Variants in MACF1 observed in about 807,000 individuals in gnomAD.
MACF1 encodes the protein microtubule-actin cross-linking factor 1.
In MACF1, 193 loss-of-function variants were observed where a neutral mutation model predicts 854.8. That is an observed-to-expected ratio of 0.23 (90% CI 0.20 to 0.25). The LOEUF (loss-of-function observed/expected upper bound fraction) is 0.25, where lower values mean the gene tolerates loss of function less well. MACF1 is among the 10% of genes least tolerant of loss of function. MACF1 has a pLI of 1.00. For missense variants in MACF1, 7,722 were observed against 8,929.1 expected, an observed-to-expected ratio of 0.86 and a Z score of 5.45; for synonymous variants, 3,185 against 3,226.7, an observed-to-expected ratio of 0.99 and a Z score of 0.44.
In MACF1 at chr1:39,428,237, G is replaced by A. The variant is rs139086219; in HGVS notation, c.16753G>A (p.Val5585Ile). The part of the protein sequence containing the change: ...EVEDKLSSVF[V>I]KDFKQDVLHR... Reference sequence around the variant, plus strand: ...TGAGGACAAGCTCAGTTCAGTGTTCGTAAAGGATTTCAAACAGGATGTCCT... The same window carrying A: ...TGAGGACAAGCTCAGTTCAGTGTTCATAAAGGATTTCAAACAGGATGTCCT... The change falls in exon 63 of 101, where the codon GTA becomes ATA. Residue 5585 changes from valine (V) to isoleucine (I), a missense_variant. This residue lies in a region of MACF1 where 2,807 missense variants were observed against 3,235.8 expected (regional missense o/e 0.87). Transcript: ENST00000564288. The A allele has an allele frequency of 2.0e-5, 32 of 1,613,658 alleles. No individual in the cohort carries two copies. The highest frequency in any genetic ancestry group is 2.7e-5 in the African/African-American group (2 of 74,942).
chr1:39,177,920 T>G (rs1308072428), intron 2 of MACF1, among the ~76,000 whole-genome samples: 1 of 152,072 alleles, frequency 6.6e-6, no homozygotes, highest in African/African-American at 2.4e-5. Context: ...AACTCCCCAT[T>G]GAATAAGTAA....
intron 55 of MACF1, among the ~76,000 whole-genome samples, chr1:39,380,999 G>A (rs767739159): frequency 3.3e-5 from 5 of 152,064 alleles, no homozygotes; most frequent in Non-Finnish European, 7.4e-5. Flanking sequence ...AAAGAGATTA[G>A]ATAAATTGTG....
At chr1:39,114,991 C>T (rs1046406911) in intron 2 of MACF1, among the ~76,000 whole-genome samples, 1 of 151,994 alleles carries the variant, frequency 6.6e-6, no homozygotes, top group African/African-American at 2.4e-5. Flanking sequence ...GAATATTGGG[C>T]ATTGATAAGG....
At chr1:39,386,103 A>G (rs150110875) in intron 57 of MACF1, among the ~76,000 whole-genome samples, 174 bp downstream of exon 57, 4 of 152,336 alleles carry the variant, frequency 2.6e-5, no homozygotes, top group African/African-American at 9.6e-5. Flanking sequence ...GTTGTTACAC[A>G]GTGAACACTT....
chr1:39,380,135 T>C, intron 54 of MACF1, 109 bp from the exon 55 acceptor site: 1 of 1,065,242 alleles, frequency 9.4e-7, no homozygotes, highest in Non-Finnish European at 1.4e-6. Flanking sequence ...ATTGATAGGA[T>C]CCTAGTAGAG....
chr1:39,316,298 A>T, intron 27 of MACF1, 93 bp from the exon 28 acceptor site: 1 of 1,001,168 alleles, frequency 1.0e-6, no homozygotes, highest in East Asian at 2.8e-5. Context: ...TTTGGTTATT[A>T]TGTTTTATGA....
In MACF1 at chr1:39,443,559, G is replaced by C. The variant is rs752667577; in HGVS notation, c.19416G>C (p.Gln6472His). 8 of 1,609,180 alleles carry C rather than the reference G, an allele frequency of 5.0e-6. No homozygotes were observed. In the African/African-American group the frequency reaches 1.1e-4, roughly 22 times the overall value. The change falls in exon 79 of 101, where the codon CAG becomes CAC. Residue 6472 changes from glutamine (Q) to histidine (H), a missense_variant. Coordinates refer to ENST00000564288, the MANE Select transcript of MACF1 (RefSeq NM_001394062.1). ...GACTTCCTGAAACTGCTAGGGAACA[G>C]CTTGATACACATATGGTAATAGCAA... is the stretch of plus-strand genomic sequence containing the variant. ...TGGLPETARE[Q>H]LDTHMELYSQ...
chr1:39,298,152 C>T (rs1197202514), intron 21 of MACF1, among the ~76,000 whole-genome samples: 1 of 150,744 alleles, frequency 6.6e-6, no homozygotes, highest in Non-Finnish European at 1.5e-5. Context: ...AAACCAACAA[C>T]AACAACAAAG....
At chr1:39,166,516 G>T (rs916044068) in intron 2 of MACF1, among the ~76,000 whole-genome samples, 2 of 151,884 alleles carry the variant, frequency 1.3e-5, no homozygotes, top group African/African-American at 4.8e-5. Context: ...GAGTGCAGTG[G>T]TGCGATCTTG....
chr1:39,468,896 T>C (rs1275278176), intron 96 of MACF1, among the ~76,000 whole-genome samples, 164 bp downstream of exon 96: 1 of 152,146 alleles, frequency 6.6e-6, no homozygotes, highest in Admixed American at 6.5e-5. Context: ...GGTGCCAGCA[T>C]AGGCCAGGGA....
rs1290471246 is a variant in MACF1, at chr1:39,448,679, T to C, written c.20174T>C (p.Leu6725Pro). Residue 6725 changes from leucine to proline, a missense_variant, in exon 84 of 101, where the codon CTT (leucine) becomes CCT (proline). Leu to Pro is a moderately conservative substitution (Grantham distance 98). Transcript: ENST00000564288. ...AGAGCACTGAAAGAAAAGACTTTGC[T>C]TCCCGAAGATAGTCAGAAACTTGAC... is the stretch of plus-strand genomic sequence containing the variant. ...TGRALKEKTL[L>P]PEDSQKLDNF... 1 of 1,613,606 alleles carries C rather than the reference T, an allele frequency of 6.2e-7. No individual in the cohort carries two copies. The highest frequency in any genetic ancestry group is 8.5e-7 in the Non-Finnish European group (1 of 1,179,648).
chr1:39,255,473 G>A (rs563339176), intron 5 of MACF1, among the ~76,000 whole-genome samples: 37 of 152,160 alleles, frequency 2.4e-4, no homozygotes, highest in Non-Finnish European at 3.5e-4. Flanking sequence ...CAGGGTCAAC[G>A]TGACATTAAA....
rs372108361 is a variant in MACF1, at chr1:39,385,545, C to G, written c.13960C>G (p.Gln4654Glu). ...TGTCTCTCTGTCCACCAGCCAAGTA[C>G]AGAAAGAACTCCAGAGCATCAATCA... ...GDVSLSTSQV[Q>E]KELQSINQKW... The change falls in exon 57 of 101, where the codon CAG (glutamine) becomes GAG (glutamate). Residue 4654 changes from glutamine (Q) to glutamate (E), a missense_variant. By Grantham distance (29) the Gln-to-Glu change is conservative. Coordinates refer to ENST00000564288, the MANE Select transcript of MACF1 (RefSeq NM_001394062.1). 12 of 1,614,168 alleles carry G rather than the reference C, an allele frequency of 7.4e-6. No individual in the cohort carries two copies. The highest frequency in any genetic ancestry group is 9.3e-6 in the Non-Finnish European group (11 of 1,180,034).
rs1409448153 is a variant in MACF1, at chr1:39,105,603, G to A, written c.220+21165G>A. On this transcript the variant is annotated intron_variant, in intron 2 of 93. Coordinates refer to the MACF1 transcript ENST00000361689. This position sits in a 1 kb window ranked among gnomAD's most constrained non-coding sequence, Gnocchi z 5.9. ...GAACCGGCAGCCCCCGGGGCTCGGC[G>A]AGAAGGCGGTGCGGGCGGCCATGGC... The A allele has an allele frequency of 4.1e-6, 5 of 1,217,734 alleles. 1 individual carries two copies. The South Asian group carries it at 6.8e-5, about 17-fold the overall frequency. 75.4% of individuals were successfully genotyped at this position (1,217,734 alleles called of 1,614,324 possible).
intron 97 of MACF1, among the ~76,000 whole-genome samples, chr1:39,477,131 T>TACACACACAC (rs562347733): frequency 0.46 from 41,412 of 90,446 alleles, 10,939 homozygotes; most frequent in South Asian, 0.6. Context: ...TATATATATA[T>TACACACACAC]ATATACACAC....
intron 1 of MACF1, among the ~76,000 whole-genome samples, chr1:39,208,728 G>A (rs1243692329): frequency 6.6e-6 from 1 of 152,118 alleles, no homozygotes; most frequent in Admixed American, 6.5e-5. Context: ...GGGTTCAAGC[G>A]ATTCTCCTGC....
chr1:39,428,775 G>A (rs910213476), intron 63 of MACF1, among the ~76,000 whole-genome samples: 5 of 152,072 alleles, frequency 3.3e-5, no homozygotes, highest in African/African-American at 1.2e-4. Flanking sequence ...AATCTGTTTG[G>A]GAGAGTAAAA....
At chr1:39,155,639 A>T (rs1423686027) in intron 2 of MACF1, among the ~76,000 whole-genome samples, 1 of 152,252 alleles carries the variant, frequency 6.6e-6, no homozygotes, top group Non-Finnish European at 1.5e-5. Context: ...GTAAATATGT[A>T]TATTTTTATA....
At position 39,358,725 on chromosome 1, in the gene MACF1, T is replaced by C. The variant is rs1404768579; in HGVS notation, c.11972T>C (p.Met3991Thr). The change falls in exon 46 of 101, where the codon ATG (methionine) becomes ACG (threonine). Residue 3991 changes from methionine to threonine, a missense_variant. Transcript: ENST00000564288. ...ACACGATTAGGATCTCACCTGAATA[T>C]GCTGTTAGGCCAGTATCATCAATTC... ...KCTRLGSHLN[M>T]LLGQYHQFQN... 2 of 1,614,162 alleles carry C rather than the reference T, an allele frequency of 1.2e-6. No homozygotes were observed. Among genetic ancestry groups the C allele is most frequent in the South Asian group, 1.1e-5 (1 of 91,066 alleles).
Sources: allele counts gnomAD v4.1 joint callset (sites outside exome capture counted in the v4.1 genomes callset), GRCh38; gene constraint gnomAD v4.1.1; regional missense constraint gnomAD v4.1.1; non-coding constraint Gnocchi (gnomAD v3.1); transcripts MANE v1.5; gene names NCBI Gene and HGNC (gene_info 2026-07-23, HGNC 2026-07-21).